Variants in PCDHB12 observed in about 807,000 individuals in gnomAD.
PCDHB12 encodes protocadherin beta-12.
For missense variants in PCDHB12, 1,192 were observed against 998.2 expected, an observed-to-expected ratio of 1.19 and a Z score of -2.62; for synonymous variants, 560 against 445.2, an observed-to-expected ratio of 1.26 and a Z score of -3.24.
rs148323419 is a variant in PCDHB12, at chr5:141,209,915, G to C, written c.1008G>C (p.Gln336His). 1.9e-6 allele frequency: 3 copies of C among 1,614,050 alleles called. No homozygotes were observed. Among genetic ancestry groups the C allele is most frequent in the African/African-American group, 2.7e-5 (2 of 74,918 alleles). Reference sequence around the variant, plus strand: ...TTGGAAAATCTACAGTCAGAATTCAGGTGATGGATGTAAACGACAACGCTC... The same window carrying C: ...TTGGAAAATCTACAGTCAGAATTCACGTGATGGATGTAAACGACAACGCTC... ...GLFGKSTVRIQVMDVNDNAPE... is the reference protein window; with the variant it reads ...GLFGKSTVRIHVMDVNDNAPE... Residue 336 changes from glutamine (Q) to histidine (H), a missense_variant, in exon 1 of 1, where the codon CAG (glutamine) becomes CAC (histidine). Coordinates refer to ENST00000239450, the MANE Select transcript of PCDHB12 (RefSeq NM_018932.4).
rs782005782 is a variant in PCDHB12, at chr5:141,211,041, C to T, written c.2134C>T (p.Arg712Trp). The T allele has an allele frequency of 6.8e-6, 11 of 1,612,698 alleles. No individual in the cohort carries two copies. The highest frequency in any genetic ancestry group is 1.3e-5 in the African/African-American group (1 of 75,000). The change falls in exon 1 of 1, where the codon CGG becomes TGG. Residue 712 changes from arginine to tryptophan, a missense_variant. Coordinates refer to ENST00000239450, the MANE Select transcript of PCDHB12 (RefSeq NM_018932.4). ...CTCGGTGCTCCTGTTCGTGGCGGTGCGGCTGTGCAGGAGGAGCAGGGCGGC... is the reference window on the plus strand; with the variant it reads ...CTCGGTGCTCCTGTTCGTGGCGGTGTGGCTGTGCAGGAGGAGCAGGGCGGC... Reference protein sequence around the residue: ...LFSVLLFVAVRLCRRSRAAPV... With the variant: ...LFSVLLFVAVWLCRRSRAAPV...
rs78379719 is a variant in PCDHB12 at position 141,211,625 on chromosome 5, T to C, written c.*330T>C. The C allele has an allele frequency of 2.7e-3, 936 of 340,806 alleles. 16 individuals carry two copies. The highest frequency in any genetic ancestry group is 0.019 in the African/African-American group (851 of 45,812). The allele number at this position is 340,806 out of a possible 1,614,324, so 21.1% of individuals were successfully genotyped here. A position where few individuals can be genotyped will look rare whatever the true frequency, so the allele number is the denominator to read the frequency against. On this transcript the variant is annotated 3_prime_UTR_variant, in exon 1 of 1. Coordinates refer to ENST00000239450, the MANE Select transcript of PCDHB12 (RefSeq NM_018932.4). ...TTTTCTGAGTTGATTAGAATGCTGT[T>C]CGAGTATACCTACCCTAGTTTCAGA...
At position 141,210,601 on chromosome 5, in the gene PCDHB12, T is replaced by C; in HGVS notation, c.1694T>C (p.Leu565Pro). The C allele has an allele frequency of 6.2e-7, 1 of 1,611,482 alleles. No homozygotes were observed. The highest frequency in any genetic ancestry group is 8.5e-7 in the Non-Finnish European group (1 of 1,179,730). ...NDNSPFVLYP[L>P]QNGSAPCTEL... ...AACTCGCCCTTCGTGCTGTACCCGC[T>C]GCAGAACGGCTCCGCGCCCTGCACC... Residue 565 changes from leucine (L) to proline (P), a missense_variant, in exon 1 of 1, where the codon CTG becomes CCG. Leu to Pro is a moderately conservative substitution (Grantham distance 98). Coordinates refer to ENST00000239450, the MANE Select transcript of PCDHB12 (RefSeq NM_018932.4).
chr5:141,212,160 CTA>C lies in PCDHB12; in HGVS notation c.*867_*868del, dbSNP rs1333001080. On this transcript the variant is annotated 3_prime_UTR_variant, in exon 1 of 1. Coordinates refer to ENST00000239450, the MANE Select transcript of PCDHB12 (RefSeq NM_018932.4). ...TTCTCATTGTCTCCTGAACATATAA[CTA>C]TCATTTCACAGAAAAGATTAATGGT... The C allele has an allele frequency of 6.0e-6, 1 of 166,934 alleles. No individual in the cohort carries two copies. The highest frequency in any genetic ancestry group is 6.5e-5 in the Admixed American group (1 of 15,286). The allele number at this position is 166,934 out of a possible 1,614,324, so 10.3% of individuals were successfully genotyped here.
Position 141,209,162 on chromosome 5 carries a change from C to T in PCDHB12, c.255C>T (p.Leu85=), listed in dbSNP as rs782114108. ...TGGACACAAACACTGGGGATTTGCT[C>T]CTGAGAGAAATGCTAGACAGGGAGG... The part of the protein sequence containing the change: ...LQLDTNTGDL[L]LREMLDREEL... The change falls in exon 1 of 1, where the codon CTC becomes CTT. Residue 85 remains leucine, a synonymous_variant. Transcript: ENST00000239450. 67 of 1,613,982 alleles carry T rather than the reference C, an allele frequency of 4.2e-5. No individual in the cohort carries two copies. The Middle Eastern group carries it at 4.9e-4, about 12-fold the overall frequency.
rs782592567 is a variant in PCDHB12 at position 141,210,531 on chromosome 5, A to G, written c.1624A>G (p.Ser542Gly). The G allele has an allele frequency of 3.7e-5, 60 of 1,611,896 alleles. 1 individual carries two copies. In the South Asian group the frequency reaches 6.6e-4, roughly 18 times the overall value. The change falls in exon 1 of 1, where the codon AGC becomes GGC. Residue 542 changes from serine (S) to glycine (G), a missense_variant. Ser to Gly is a moderately conservative substitution (Grantham distance 56). Coordinates refer to ENST00000239450, the MANE Select transcript of PCDHB12 (RefSeq NM_018932.4). ...GATDHGSPAL[S>G]SEALVRVLVL... ...CACAGACCACGGCTCCCCGGCTTTG[A>G]GCAGCGAGGCGCTGGTGCGCGTGCT...
At position 141,211,074 on chromosome 5, in the gene PCDHB12, G is replaced by C. The variant is rs1754448153; in HGVS notation, c.2167G>C (p.Gly723Arg). 1 of 1,613,458 alleles carries C rather than the reference G, an allele frequency of 6.2e-7. No homozygotes were observed. Among genetic ancestry groups the C allele is most frequent in the Non-Finnish European group, 8.5e-7 (1 of 1,180,042 alleles). ...LCRRSRAAPV[G>R]RCSVPEGPFP... Reference sequence around the variant, plus strand: ...CAGGAGGAGCAGGGCGGCCCCGGTCGGTCGCTGCTCGGTGCCTGAGGGCCC... The same window carrying C: ...CAGGAGGAGCAGGGCGGCCCCGGTCCGTCGCTGCTCGGTGCCTGAGGGCCC... The change falls in exon 1 of 1, where the codon GGT (glycine) becomes CGT (arginine). Residue 723 changes from glycine to arginine, a missense_variant. Transcript: ENST00000239450.
Position 141,210,445 on chromosome 5 carries a change from T to A in PCDHB12, c.1538T>A (p.Leu513Gln), listed in dbSNP as rs368517510. 9 of 1,612,900 alleles carry A rather than the reference T, an allele frequency of 5.6e-6. No homozygotes were observed. The highest frequency in any genetic ancestry group is 1.7e-5 in the Admixed American group (1 of 60,010). ...LVSINADNGH[L>Q]FALRSLDYEA... ...TCCATCAACGCGGACAACGGCCACC[T>A]GTTTGCCCTCAGGTCGCTGGACTAC... Residue 513 changes from leucine to glutamine, a missense_variant, in exon 1 of 1, where the codon CTG becomes CAG. Physicochemically the swap from Leu to Gln is moderately radical, Grantham distance 113 (BLOSUM62 -2). Coordinates refer to ENST00000239450, the MANE Select transcript of PCDHB12 (RefSeq NM_018932.4).
chr5:141,210,572 C>G lies in PCDHB12; in HGVS notation c.1665C>G (p.Asn555Lys). The change falls in exon 1 of 1, where the codon AAC becomes AAG. Residue 555 changes from asparagine to lysine, a missense_variant. Coordinates refer to ENST00000239450, the MANE Select transcript of PCDHB12 (RefSeq NM_018932.4). ...TGCGCGTGCTGGTGCTGGACGCCAA[C>G]GACAACTCGCCCTTCGTGCTGTACC... Reference protein sequence around the residue: ...ALVRVLVLDANDNSPFVLYPL... With the variant: ...ALVRVLVLDAKDNSPFVLYPL... 2.5e-6 allele frequency: 4 copies of G among 1,611,684 alleles called. No homozygotes were observed. The highest frequency in any genetic ancestry group is 3.4e-6 in the Non-Finnish European group (4 of 1,179,736).
In PCDHB12 at chr5:141,211,350, A is replaced by C; in HGVS notation, c.*55A>C. The C allele has an allele frequency of 6.7e-7, 1 of 1,495,838 alleles. No individual in the cohort carries two copies. The highest frequency in any genetic ancestry group is 9.1e-7 in the Non-Finnish European group (1 of 1,102,820). 92.7% of individuals were successfully genotyped at this position (1,495,838 alleles called of 1,614,324 possible). On this transcript the variant is annotated 3_prime_UTR_variant, in exon 1 of 1. Coordinates refer to ENST00000239450, the MANE Select transcript of PCDHB12 (RefSeq NM_018932.4). The stretch of plus-strand genomic sequence containing the variant: ...TGAATACATTTATAATTAGGAACTT[A>C]TCGTGAGGTGCCTGTAAAGTAGTAT...
Position 141,210,515 on chromosome 5 carries a change from C to T in PCDHB12, c.1608C>T (p.His536=), listed in dbSNP as rs781790409. 6 of 1,612,214 alleles carry T rather than the reference C, an allele frequency of 3.7e-6. No homozygotes were observed. Among genetic ancestry groups the T allele is most frequent in the South Asian group, 2.2e-5 (2 of 91,002 alleles). The stretch of plus-strand genomic sequence containing the variant: ...AGTTCCGCGTGGGCGCCACAGACCA[C>T]GGCTCCCCGGCTTTGAGCAGCGAGG... ...GFQFRVGATD[H]GSPALSSEAL... Residue 536 remains histidine (H), a synonymous_variant, in exon 1 of 1, where the codon CAC becomes CAT. Coordinates refer to ENST00000239450, the MANE Select transcript of PCDHB12 (RefSeq NM_018932.4).
In PCDHB12 at chr5:141,209,479, AC is replaced by A. The variant is rs1451300763; in HGVS notation, c.575del (p.Pro192LeufsTer3). ...AGAGTCAATCCAGACAATAGGAAAT[AC>A]CCTGAGTTAGTTCTGGACAAGGCGC... ...KIRVNPDNRK[Y>X]PELVLDKALD... On this transcript the variant is annotated frameshift_variant, in exon 1 of 1. Coordinates refer to ENST00000239450, the MANE Select transcript of PCDHB12 (RefSeq NM_018932.4). LOFTEE classifies it low-confidence loss of function (END_TRUNC). 1 of 1,614,220 alleles carries A rather than the reference AC, an allele frequency of 6.2e-7. No homozygotes were observed. The highest frequency in any genetic ancestry group is 8.5e-7 in the Non-Finnish European group (1 of 1,180,036).
chr5:141,211,589 T>C lies in PCDHB12; in HGVS notation c.*294T>C, dbSNP rs1754463856. On this transcript the variant is annotated 3_prime_UTR_variant, in exon 1 of 1. Coordinates refer to ENST00000239450, the MANE Select transcript of PCDHB12 (RefSeq NM_018932.4). The stretch of plus-strand genomic sequence containing the variant: ...GCTTTCCATTGTTTTCAATATTTAC[T>C]GTGACTTTTGTTTTCTGAGTTGATT... 4.9e-6 allele frequency: 2 copies of C among 406,444 alleles called. No homozygotes were observed. 25.2% of individuals were successfully genotyped at this position (406,444 alleles called of 1,614,324 possible).
At position 141,211,069 on chromosome 5, in the gene PCDHB12, C is replaced by A. The variant is rs150562956; in HGVS notation, c.2162C>A (p.Pro721Gln). ...CTGTGCAGGAGGAGCAGGGCGGCCC[C>A]GGTCGGTCGCTGCTCGGTGCCTGAG... ...VRLCRRSRAA[P>Q]VGRCSVPEGP... is the part of the protein sequence containing the mutation. Residue 721 changes from proline to glutamine, a missense_variant, in exon 1 of 1, where the codon CCG (proline) becomes CAG (glutamine). Transcript: ENST00000239450. 1.2e-6 allele frequency: 2 copies of A among 1,613,396 alleles called. No homozygotes were observed. The highest frequency in any genetic ancestry group is 1.3e-5 in the African/African-American group (1 of 75,032).
At position 141,211,935 on chromosome 5, in the gene PCDHB12, G is replaced by A. The variant is rs1424143147; in HGVS notation, c.*640G>A. On this transcript the variant is annotated 3_prime_UTR_variant, in exon 1 of 1. Transcript: ENST00000239450. Reference sequence around the variant, plus strand: ...ATTGGATATCACCTGGCAAGTTTCTGCCTAACTAAAGAGAAGAAAAGTTTT... The same window carrying A: ...ATTGGATATCACCTGGCAAGTTTCTACCTAACTAAAGAGAAGAAAAGTTTT... The A allele has an allele frequency of 1.2e-5, 2 of 167,080 alleles. No individual in the cohort carries two copies. Among genetic ancestry groups the A allele is most frequent in the African/African-American group, 4.8e-5 (2 of 41,392 alleles). 10.3% of individuals were successfully genotyped at this position (167,080 alleles called of 1,614,324 possible). A position where few individuals can be genotyped will look rare whatever the true frequency, so the allele number is the denominator to read the frequency against.
In PCDHB12 at chr5:141,210,681, G is replaced by A. The variant is rs782320927; in HGVS notation, c.1774G>A (p.Val592Met). The A allele has an allele frequency of 3.7e-6, 6 of 1,610,496 alleles. No individual in the cohort carries two copies. In the South Asian group the frequency reaches 5.5e-5, roughly 15 times the overall value. Residue 592 changes from valine (V) to methionine (M), a missense_variant, in exon 1 of 1, where the codon GTG (valine) becomes ATG (methionine). Transcript: ENST00000239450. ...CTACCTGGTGACCAAGGTGGTGGCG[G>A]TGGACGGTGACTCGGGCCAGAACGC... ...PGYLVTKVVA[V>M]DGDSGQNAWL...
At position 141,209,190 on chromosome 5, in the gene PCDHB12, C is replaced by T. The variant is rs1554286611; in HGVS notation, c.283C>T (p.Leu95Phe). Residue 95 changes from leucine (L) to phenylalanine (F), a missense_variant, in exon 1 of 1, where the codon CTC becomes TTC. Physicochemically the swap from Leu to Phe is conservative, Grantham distance 22 (BLOSUM62 0). Coordinates refer to ENST00000239450, the MANE Select transcript of PCDHB12 (RefSeq NM_018932.4). ...GAGAGAAATGCTAGACAGGGAGGAG[C>T]TCTGTGGCTCCAATGAGCCTTGTGT... ...LLREMLDREE[L>F]CGSNEPCVLY... 2 of 1,614,122 alleles carry T rather than the reference C, an allele frequency of 1.2e-6. No individual in the cohort carries two copies. The highest frequency in any genetic ancestry group is 2.2e-5 in the East Asian group (1 of 44,868).
rs1554287001 is a variant in PCDHB12, at chr5:141,210,632, G to A, written c.1725G>A (p.Leu575=). ...LQNGSAPCTE[L]VPWAAEPGYL... ...ACGGCTCCGCGCCCTGCACCGAGCT[G>A]GTGCCCTGGGCGGCCGAGCCGGGCT... The change falls in exon 1 of 1, where the codon CTG becomes CTA. Residue 575 remains leucine, a synonymous_variant. Transcript: ENST00000239450. 6 of 1,611,252 alleles carry A rather than the reference G, an allele frequency of 3.7e-6. No homozygotes were observed. The highest frequency in any genetic ancestry group is 1.3e-5 in the African/African-American group (1 of 74,868).
rs1754395539 is a variant in PCDHB12 at position 141,209,861 on chromosome 5, C to T, written c.954C>T (p.Ile318=). ...AAGCAATTGAGTCATACTCAATAATCATTCAAGCCACAGATGGGGGAGGAC... is the reference window on the plus strand; with the variant it reads ...AAGCAATTGAGTCATACTCAATAATTATTCAAGCCACAGATGGGGGAGGAC... ...DFEAIESYSI[I]IQATDGGGLF... The change falls in exon 1 of 1, where the codon ATC becomes ATT. Residue 318 remains isoleucine (I), a synonymous_variant. Coordinates refer to ENST00000239450, the MANE Select transcript of PCDHB12 (RefSeq NM_018932.4). The T allele has an allele frequency of 1.2e-6, 2 of 1,614,208 alleles. No individual in the cohort carries two copies. The highest frequency in any genetic ancestry group is 1.7e-6 in the Non-Finnish European group (2 of 1,180,040).
Sources: allele counts gnomAD v4.1 joint callset, GRCh38; gene constraint gnomAD v4.1.1; transcripts MANE v1.5; gene names NCBI Gene and HGNC (gene_info 2026-07-23, HGNC 2026-07-21).